The following LRIG3 variants were observed in gnomAD, a reference collection of about 807,000 sequenced individuals.
The protein encoded by LRIG3 is leucine rich repeats and immunoglobulin like domains 3.
In LRIG3, 76 loss-of-function variants were observed where a neutral mutation model predicts 114.5. That is an observed-to-expected ratio of 0.66 (90% CI 0.55 to 0.80). The LOEUF (loss-of-function observed/expected upper bound fraction) is 0.80. Among genes scored for constraint, LRIG3 ranks in the 30% least tolerant of loss-of-function variants. The pLI, the probability that LRIG3 is intolerant of heterozygous loss-of-function variation, is 0.00. For missense variants in LRIG3, 1,239 were observed against 1,382.8 expected (o/e 0.90, Z 1.65); for synonymous variants, 512 against 519.8 (o/e 0.98, Z 0.20).
chr12:58,910,844 G>A (rs1004289216), intron 3 of LRIG3, among the ~76,000 whole-genome samples: 3 of 152,064 alleles, frequency 2.0e-5, no homozygotes, highest in African/African-American at 4.8e-5. Context: ...CCTAACCCAA[G>A]GCACAGATTT....
At position 58,920,086 on chromosome 12, in the gene LRIG3, G is replaced by C. The variant is rs1872616719; in HGVS notation, c.150C>G (p.Thr50=). 6.4e-7 allele frequency: 1 copy of C among 1,556,282 alleles called. No individual in the cohort carries two copies. The highest frequency in any genetic ancestry group is 8.7e-7 in the Non-Finnish European group (1 of 1,150,308). Residue 50 remains threonine (T), a synonymous_variant, in exon 1 of 19, where the codon ACC becomes ACG. Transcript: ENST00000320743. ...CCAGCAGGTCCCCGAGGCAGCGGCA[G>C]GTAGTGGGGCATGGGCGCTCGGCGG... ...GVAAERPCPT[T]CRCLGDLLDC...
At chr12:58,910,194 C>A (rs1872224386) in intron 3 of LRIG3, among the ~76,000 whole-genome samples, 1 of 152,132 alleles carries the variant, frequency 6.6e-6, no homozygotes, top group Non-Finnish European at 1.5e-5. Flanking sequence ...TGACCTTTAT[C>A]AGTAATTCTA....
intron 3 of LRIG3, among the ~76,000 whole-genome samples, chr12:58,900,235 C>T (rs1379347153): frequency 6.6e-6 from 1 of 151,800 alleles, no homozygotes; most frequent in Non-Finnish European, 1.5e-5. Context: ...CTCTGCACTC[C>T]CATCTTTATA....
In LRIG3 at chr12:58,876,556, C is replaced by T; in HGVS notation, c.2584G>A (p.Gly862Arg). 6.2e-7 allele frequency: 1 copy of T among 1,614,144 alleles called. No homozygotes were observed. The highest frequency in any genetic ancestry group is 1.1e-5 in the South Asian group (1 of 91,082). ...ADIPSYLSSQGTLADRQDGYV... is the reference protein window; with the variant it reads ...ADIPSYLSSQRTLADRQDGYV... ...CCATCCTGCCTGTCAGCTAACGTTC[C>T]CTGAGATGACAAATAACTAGGAATA... Residue 862 changes from glycine to arginine, a missense_variant, in exon 16 of 19, where the codon GGA becomes AGA. By Grantham distance (125) the Gly-to-Arg change is moderately radical (BLOSUM62 -2). Coordinates refer to ENST00000320743, the MANE Select transcript of LRIG3 (RefSeq NM_153377.5).
chr12:58,904,564 A>C (rs1871989751), intron 3 of LRIG3, among the ~76,000 whole-genome samples: 1 of 152,246 alleles, frequency 6.6e-6, no homozygotes, highest in African/African-American at 2.4e-5. Flanking sequence ...CAAGTCATGC[A>C]GGTGGGAATG....
rs755330730 is a variant in LRIG3, at chr12:58,872,680, A to G, written c.3252T>C (p.Asp1084=). 1.2e-6 allele frequency: 2 copies of G among 1,614,072 alleles called. No individual in the cohort carries two copies. Among genetic ancestry groups the G allele is most frequent in the Non-Finnish European group, 1.7e-6 (2 of 1,179,980 alleles). The change falls in exon 19 of 19, where the codon GAT becomes GAC. Residue 1084 remains aspartate (D), a synonymous_variant. Coordinates refer to ENST00000320743, the MANE Select transcript of LRIG3 (RefSeq NM_153377.5). The part of the protein sequence containing the change: ...SPDLDSGSEE[D]GKERTDFQEE... ...CCTGAAAATCTGTCCTTTCTTTCCC[A>G]TCTTCCTCTGACCCAGAGTCCAAGT...
In LRIG3 at chr12:58,877,847, G is replaced by C; in HGVS notation, c.2089C>G (p.Pro697Ala). The change falls in exon 15 of 19, where the codon CCA becomes GCA. Residue 697 changes from proline (P) to alanine (A), a missense_variant. Pro to Ala is a conservative substitution (Grantham distance 27). Transcript: ENST00000320743. ...ANATLTVLET[P>A]SFLRPLLDRT... Reference sequence around the variant, plus strand: ...TCCAACAGTGGCCGCAAAAATGATGGTGTTTCTGAAATAACAAGTTATGCT... The same window carrying C: ...TCCAACAGTGGCCGCAAAAATGATGCTGTTTCTGAAATAACAAGTTATGCT... The C allele has an allele frequency of 3.1e-6, 5 of 1,596,344 alleles. No homozygotes were observed. The highest frequency in any genetic ancestry group is 3.4e-6 in the Non-Finnish European group (4 of 1,165,960).
chr12:58,873,931 C>A, intron 18 of LRIG3, 124 bp downstream of exon 18: 1 of 1,133,788 alleles, frequency 8.8e-7, no homozygotes. Flanking sequence ...AGTCGGATGT[C>A]ATGGCAGCCT....
At position 58,890,606 on chromosome 12, in the gene LRIG3, T is replaced by G. The variant is rs897230986; in HGVS notation, c.515+59A>C. 2.3e-5 allele frequency: 33 copies of G among 1,463,748 alleles called. No individual in the cohort carries two copies. The African/African-American group carries it at 4.5e-4, about 20-fold the overall frequency. The allele number at this position is 1,463,748 out of a possible 1,614,324, so 90.7% of individuals were successfully genotyped here. A position where few individuals can be genotyped will look rare whatever the true frequency, so the allele number is the denominator to read the frequency against. ...TAGACAAAGTTTGTTATATCTTATTTTTTCATTGTAATATTTTCATTACAG... is the reference window on the plus strand; with the variant it reads ...TAGACAAAGTTTGTTATATCTTATTGTTTCATTGTAATATTTTCATTACAG... On this transcript the variant is annotated intron_variant, in intron 4 of 18. Transcript: ENST00000320743.
chr12:58,876,236 CT>C (rs991535304), intron 16 of LRIG3, among the ~76,000 whole-genome samples: 2 of 152,026 alleles, frequency 1.3e-5, no homozygotes, highest in East Asian at 1.9e-4. Context: ...ACCTACTAGT[CT>C]TTTTTTATTG....
chr12:58,896,622 C>T (rs1464133237), intron 3 of LRIG3, among the ~76,000 whole-genome samples: 1 of 152,192 alleles, frequency 6.6e-6, no homozygotes, highest in Non-Finnish European at 1.5e-5. Flanking sequence ...TATCTGCATG[C>T]AGCATTTGCC....
Position 58,877,759 on chromosome 12 carries a change from G to T in LRIG3, c.2177C>A (p.Pro726His), listed in dbSNP as rs1048276059. 6.2e-7 allele frequency: 1 copy of T among 1,614,152 alleles called. No homozygotes were observed. Among genetic ancestry groups the T allele is most frequent in the Non-Finnish European group, 8.5e-7 (1 of 1,180,032 alleles). Residue 726 changes from proline (P) to histidine (H), a missense_variant, in exon 15 of 19, where the codon CCT becomes CAT. Transcript: ENST00000320743. ...LQCIAGGSPP[P>H]KLNWTKDDSP... is the part of the protein sequence containing the mutation. ...ATCATCTTTGGTCCAGTTCAGTTTA[G>T]GGGGAGGGCTTCCTCCAGCAATGCA...
intron 15 of LRIG3, 106 bp downstream of exon 15, chr12:58,877,294 C>T (rs1216545100): frequency 7.1e-6 from 8 of 1,119,788 alleles, no homozygotes; most frequent in Non-Finnish European, 8.9e-6. Flanking sequence ...AAATGAGTCA[C>T]CCTTCTGAGA....
rs561854496 is a variant in LRIG3, at chr12:58,919,880, G to C, written c.236+120C>G. ...CCCACGGAGCGCCGATCGCGGCCTG[G>C]GCCAGAAGGAGCTATACGGCAAAAA... On this transcript the variant is annotated intron_variant, in intron 1 of 18. Transcript: ENST00000320743. 3 of 1,039,696 alleles carry C rather than the reference G, an allele frequency of 2.9e-6. No homozygotes were observed. In the South Asian group the frequency reaches 4.6e-5, roughly 16 times the overall value. The allele number at this position is 1,039,696 out of a possible 1,614,324, so 64.4% of individuals were successfully genotyped here.
rs1871436827 is a variant in LRIG3 at position 58,890,925 on chromosome 12, G to C, written c.384-129C>G. The C allele has an allele frequency of 6.7e-6, 5 of 751,802 alleles. No individual in the cohort carries two copies. In the South Asian group the frequency reaches 1.2e-4, roughly 18 times the overall value. 46.6% of individuals were successfully genotyped at this position (751,802 alleles called of 1,614,324 possible). ...ACTAATCTGAACAGTACTTTTAAAA[G>C]TTAAAGAGCAATACCATGGCCATTT... On this transcript the variant is annotated intron_variant, in intron 3 of 18. Transcript: ENST00000320743.
intron 12 of LRIG3, among the ~76,000 whole-genome samples, chr12:58,881,520 G>T (rs1206317641): frequency 6.6e-6 from 1 of 151,864 alleles, no homozygotes; most frequent in African/African-American, 2.4e-5. Flanking sequence ...GGCCAATCGT[G>T]CCGCCGCGCT....
chr12:58,890,181 T>G, intron 4 of LRIG3, 42 bp from the exon 5 acceptor site: 1 of 1,604,886 alleles, frequency 6.2e-7, no homozygotes, highest in Admixed American at 1.7e-5. Context: ...CTGATTTATT[T>G]GCAAGTTAAA....
chr12:58,885,217 CAAA>C (rs1205329679), intron 10 of LRIG3, among the ~76,000 whole-genome samples: 2 of 151,966 alleles, frequency 1.3e-5, no homozygotes, highest in Non-Finnish European at 2.9e-5. Flanking sequence ...AAGAAAACAA[CAAA>C]AAAGAGAACA....
chr12:58,880,763 A>G lies in LRIG3; in HGVS notation c.1619T>C (p.Leu540Pro). 1 of 1,614,188 alleles carries G rather than the reference A, an allele frequency of 6.2e-7. No individual in the cohort carries two copies. Among genetic ancestry groups the G allele is most frequent in the Non-Finnish European group, 8.5e-7 (1 of 1,180,042 alleles). Residue 540 changes from leucine (L) to proline (P), a missense_variant, in exon 13 of 19, where the codon CTA becomes CCA. By Grantham distance (98) the Leu-to-Pro change is moderately conservative (BLOSUM62 -3). Coordinates refer to ENST00000320743, the MANE Select transcript of LRIG3 (RefSeq NM_153377.5). The part of the protein sequence containing the change: ...MTFAWKKDNE[L>P]LHDAEMENYA... The stretch of plus-strand genomic sequence containing the variant: ...ATTTTCCATTTCAGCATCATGCAGT[A>G]GTTCATTGTCTTTTTTCCAAGCAAA...
Sources: allele counts gnomAD v4.1 joint callset (sites outside exome capture counted in the v4.1 genomes callset), GRCh38; gene constraint gnomAD v4.1.1; transcripts MANE v1.5; gene names NCBI Gene and HGNC (gene_info 2026-07-23, HGNC 2026-07-21).